The following FBXL2 variants were observed in gnomAD, a reference collection of about 807,000 sequenced individuals.
The protein encoded by FBXL2 is F-box and leucine rich repeat protein 2.
FBXL2 carries 38 observed loss-of-function variants against 69.2 expected under a neutral mutation model. That is an observed-to-expected ratio of 0.55 (90% confidence interval 0.42 to 0.72). FBXL2 has a LOEUF of 0.72. Among genes scored for constraint, FBXL2 ranks in the 30% least tolerant of loss-of-function variants. The pLI is 0.00. For missense variants in FBXL2, 354 were observed against 520.3 expected (o/e 0.68, Z 3.11); for synonymous variants, 192 against 201.3 (o/e 0.95, Z 0.39).
At chr3:33,385,446 A>G (rs142305638) in intron 14 of FBXL2, 55 bp from the exon 15 acceptor site, 1 of 1,434,856 alleles carries the variant, frequency 7.0e-7, no homozygotes, top group African/African-American at 1.4e-5. Context: ...AATTATGACT[A>G]TAATCCTAAA....
chr3:33,350,433 A>T (rs996545812), intron 2 of FBXL2, among the ~76,000 whole-genome samples: 2 of 145,328 alleles, frequency 1.4e-5, no homozygotes, highest in Admixed American at 6.9e-5. Context: ...TAACATCATA[A>T]TTTTTTTTTT....
intron 11 of FBXL2, 69 bp from the exon 12 acceptor site, chr3:33,378,034 T>A: frequency 6.8e-7 from 1 of 1,465,580 alleles, no homozygotes; most frequent in Non-Finnish European, 9.6e-7. Flanking sequence ...CTCAGAGGGA[T>A]AGGGCAAGCC....
At chr3:33,369,056 A>ATT (rs200087201) in intron 5 of FBXL2, among the ~76,000 whole-genome samples, 21 of 142,094 alleles carry the variant, frequency 1.5e-4, no homozygotes, top group Non-Finnish European at 2.2e-4. Context: ...CTTCTTTTAG[A>ATT]TTTTTTTTTT....
At chr3:33,416,199 C>G in the FBXL2 span, 2 of 152,212 alleles carry the variant, frequency 1.3e-5, no homozygotes, top group Non-Finnish European at 2.9e-5. Context: ...CTTTCATTAA[C>G]CCTGCCCTGT....
intron 1 of FBXL2, among the ~76,000 whole-genome samples, chr3:33,283,215 A>G (rs2125673723): frequency 6.6e-6 from 1 of 152,324 alleles, no homozygotes; most frequent in Middle Eastern, 3.4e-3. Flanking sequence ...ATTTTGAGAT[A>G]TGTTCCATCA....
chr3:33,312,837 T>G (rs1185715363), intron 2 of FBXL2, among the ~76,000 whole-genome samples: 1 of 152,120 alleles, frequency 6.6e-6, no homozygotes, highest in East Asian at 1.9e-4. Context: ...ATTGAAATGA[T>G]AGGCCAGGAG....
At chr3:33,382,536 A>G (rs1162163483) in intron 13 of FBXL2, 1 of 152,164 alleles carries the variant, frequency 6.6e-6, no homozygotes, top group Non-Finnish European at 1.5e-5. Flanking sequence ...GTAGTTGTAT[A>G]TTGTTCATTC....
At chr3:33,411,795 C>CT in the FBXL2 span, 5 of 868,480 alleles carry the variant, frequency 5.8e-6, no homozygotes, top group South Asian at 6.3e-5. Context: ...GCTTTGAACT[C>CT]TGTCTTTCAA....
rs765583505 is a variant in FBXL2 at position 33,400,917 on chromosome 3, T to C, written n.1215-2317T>C. ...GCACAAAAACCAAAACTTTAAAATG[T>C]AGAACCCTGAAAGCATCAGATAGTT... On this transcript the variant is annotated intron_variant and non_coding_transcript_variant, in intron 12 of 12. Coordinates refer to the FBXL2 transcript ENST00000463736. 19 of 1,569,166 alleles carry C rather than the reference T, an allele frequency of 1.2e-5. No homozygotes were observed. The African/African-American group carries it at 1.7e-4, about 14-fold the overall frequency.
chr3:33,370,282 A>G (rs975432245), intron 5 of FBXL2, among the ~76,000 whole-genome samples: 2 of 151,744 alleles, frequency 1.3e-5, no homozygotes, highest in East Asian at 1.9e-4. Context: ...GCCGGGCGTG[A>G]TGGCGGGCAC....
At chr3:33,357,090 C>T (rs542116746) in intron 2 of FBXL2, among the ~76,000 whole-genome samples, 1 of 152,154 alleles carries the variant, frequency 6.6e-6, no homozygotes, top group Non-Finnish European at 1.5e-5. Flanking sequence ...TAGCACAACA[C>T]CTCATAGCAG....
chr3:33,306,572 A>G (rs1223904795), intron 2 of FBXL2, among the ~76,000 whole-genome samples: 1 of 152,144 alleles, frequency 6.6e-6, no homozygotes, highest in Non-Finnish European at 1.5e-5. Context: ...TCCCCTCTCC[A>G]TATCTTTCTC....
the FBXL2 span, chr3:33,416,693 T>C: frequency 2.3e-6 from 3 of 1,277,594 alleles, no homozygotes; most frequent in South Asian, 4.2e-5. Context: ...AATTAATTTT[T>C]TTTTAAACAA....
At chr3:33,342,709 TTC>T (rs2040129469) in intron 2 of FBXL2, among the ~76,000 whole-genome samples, 10 of 124,618 alleles carry the variant, frequency 8.0e-5, no homozygotes, top group African/African-American at 2.9e-4. Flanking sequence ...CAAATATAAC[TTC>T]TTTTTTTTTT....
chr3:33,345,602 T>C (rs1350609367), intron 2 of FBXL2, among the ~76,000 whole-genome samples: 1 of 152,180 alleles, frequency 6.6e-6, no homozygotes, highest in Non-Finnish European at 1.5e-5. Flanking sequence ...AAAATACACA[T>C]TCCTCTTAAG....
intron 2 of FBXL2, among the ~76,000 whole-genome samples, chr3:33,315,808 A>G (rs1296105413): frequency 6.6e-6 from 1 of 152,088 alleles, no homozygotes; most frequent in African/African-American, 2.4e-5. Context: ...GTATGTTTTA[A>G]TCATAGGGAT....
rs187349666 is a variant in FBXL2 at position 33,357,211 on chromosome 3, C to T, written c.66-1756C>T. ...TGAGACGTGATAAAGGTGGTATGCT[C>T]TTAAGGTATTTTCAAGGGAAACAGC... is the stretch of plus-strand genomic sequence containing the variant. On this transcript the variant is annotated intron_variant, in intron 2 of 14. Coordinates refer to ENST00000484457, the MANE Select transcript of FBXL2 (RefSeq NM_012157.5). Among the ~76,000 whole-genome samples the T allele has an allele frequency of 1.0e-3, 157 of 152,280 alleles. 1 individual carries two copies. Among genetic ancestry groups the T allele is most frequent in the African/African-American group, 3.7e-3 (152 of 41,562 alleles).
chr3:33,300,770 G>T (rs1415175439), intron 2 of FBXL2, among the ~76,000 whole-genome samples: 2 of 148,796 alleles, frequency 1.3e-5, no homozygotes, highest in African/African-American at 5.0e-5. Flanking sequence ...GTGCAATGGC[G>T]CAATCTTGGC....
chr3:33,409,162 C>T, the FBXL2 span: 1 of 1,407,450 alleles, frequency 7.1e-7, no homozygotes, highest in East Asian at 2.3e-5. Flanking sequence ...CCTTTTGTAG[C>T]AGAACTCATC....
Sources: gnomAD v4.1 joint callset for allele counts (sites outside exome capture counted in the v4.1 genomes callset) on GRCh38, gnomAD v4.1.1 for gene constraint, MANE v1.5 for transcripts, NCBI Gene and HGNC (gene_info 2026-07-23, HGNC 2026-07-21) for gene names.